Variants in REDIC1 observed in about 807,000 individuals in gnomAD.
REDIC1 encodes HEI10 Interacting Protein 1.
chr12:39,676,961 A>G, the REDIC1 span, among the ~76,000 whole-genome samples: 2 of 152,082 alleles, frequency 1.3e-5, no homozygotes, highest in Admixed American at 6.6e-5. Context: ...CTAAATTTTG[A>G]AATACACCAA....
At chr12:39,852,074 G>T in the REDIC1 span, among the ~76,000 whole-genome samples, 1 of 152,208 alleles carries the variant, frequency 6.6e-6, no homozygotes, top group Non-Finnish European at 1.5e-5. Context: ...ACACAGGTGT[G>T]TGTGAGGCTG....
chr12:39,673,849 T>C, the REDIC1 span, among the ~76,000 whole-genome samples: 5 of 152,212 alleles, frequency 3.3e-5, no homozygotes, highest in African/African-American at 1.2e-4. Flanking sequence ...TCATTGTCTT[T>C]TATTTGTCTA....
At chr12:39,729,126 G>A in the REDIC1 span, among the ~76,000 whole-genome samples, 8 of 151,856 alleles carry the variant, frequency 5.3e-5, no homozygotes, top group African/African-American at 1.9e-4. Context: ...GATTCCTTGA[G>A]TTTTTGAAGG....
chr12:39,741,244 T>A, the REDIC1 span, among the ~76,000 whole-genome samples: 2 of 152,204 alleles, frequency 1.3e-5, no homozygotes, highest in African/African-American at 4.8e-5. Context: ...TTCATTAAAT[T>A]TACATCTGTA....
chr12:39,895,031 G>A, the REDIC1 span, among the ~76,000 whole-genome samples: 12 of 152,082 alleles, frequency 7.9e-5, no homozygotes, highest in East Asian at 1.4e-3. Flanking sequence ...CATAACCAAC[G>A]GCAGTGGAAC....
the REDIC1 span, among the ~76,000 whole-genome samples, chr12:39,788,064 C>A: frequency 1.3e-5 from 2 of 152,100 alleles, no homozygotes; most frequent in African/African-American, 4.8e-5. Flanking sequence ...ATTACTCATA[C>A]TTGTTGTGGG....
the REDIC1 span, chr12:39,830,341 G>A: frequency 6.8e-7 from 1 of 1,472,240 alleles, no homozygotes; most frequent in Admixed American, 2.4e-5. Flanking sequence ...TAAGCTTGGG[G>A]CCTTGGGACT....
the REDIC1 span, among the ~76,000 whole-genome samples, chr12:39,700,635 C>G: frequency 6.6e-6 from 1 of 152,032 alleles, no homozygotes; most frequent in Admixed American, 6.6e-5. Flanking sequence ...ACATAATTGT[C>G]AGATTCACCA....
the REDIC1 span, among the ~76,000 whole-genome samples, chr12:39,775,136 C>T: frequency 1.3e-5 from 2 of 152,062 alleles, no homozygotes; most frequent in African/African-American, 2.4e-5. Context: ...ACAAGATTAA[C>T]ATAGATAGAG....
the REDIC1 span, among the ~76,000 whole-genome samples, chr12:39,631,942 T>C: frequency 8.5e-3 from 1,300 of 152,224 alleles, 15 homozygotes; most frequent in African/African-American, 0.03. Flanking sequence ...ATAGCACATG[T>C]ATACAATAAA....
chr12:39,856,325 C>T, the REDIC1 span, among the ~76,000 whole-genome samples: 1 of 152,146 alleles, frequency 6.6e-6, no homozygotes. Context: ...AAGTTACTTT[C>T]ACTGAAGAGG....
At chr12:39,827,355 TC>T in the REDIC1 span, among the ~76,000 whole-genome samples, 3 of 152,182 alleles carry the variant, frequency 2.0e-5, no homozygotes, top group Non-Finnish European at 2.9e-5. Context: ...TAGGTAGCTT[TC>T]CAAGCCCAGT....
the REDIC1 span, among the ~76,000 whole-genome samples, chr12:39,728,335 G>C: frequency 6.6e-6 from 1 of 152,112 alleles, no homozygotes. Flanking sequence ...CTAGTTTATT[G>C]AGAGTTTTTA....
At chr12:39,883,256 T>C in the REDIC1 span, among the ~76,000 whole-genome samples, 5 of 152,144 alleles carry the variant, frequency 3.3e-5, no homozygotes, top group African/African-American at 4.8e-5. Flanking sequence ...AAAGGAAAGG[T>C]AGAGTGTGTC....
the REDIC1 span, among the ~76,000 whole-genome samples, chr12:39,716,528 C>T: frequency 2.6e-5 from 4 of 151,962 alleles, no homozygotes; most frequent in African/African-American, 9.7e-5. Context: ...GTTATATACC[C>T]TTATTTCATT....
At chr12:39,742,893 G>A in the REDIC1 span, among the ~76,000 whole-genome samples, 1 of 152,152 alleles carries the variant, frequency 6.6e-6, no homozygotes, top group African/African-American at 2.4e-5. Flanking sequence ...AAACCCATAA[G>A]CAGAAACCTC....
the REDIC1 span, among the ~76,000 whole-genome samples, chr12:39,851,124 T>A: frequency 9.2e-5 from 14 of 152,232 alleles, no homozygotes; most frequent in Middle Eastern, 6.8e-3. Context: ...GGTCTCGAAC[T>A]CCCGACCTCA....
chr12:39,858,240 T>C, the REDIC1 span, among the ~76,000 whole-genome samples: 1 of 152,202 alleles, frequency 6.6e-6, no homozygotes, highest in Non-Finnish European at 1.5e-5. Flanking sequence ...CAGGATGAGA[T>C]TTATGTGGAC....
the REDIC1 span, chr12:39,692,061 G>T: frequency 6.3e-7 from 1 of 1,578,122 alleles, no homozygotes; most frequent in Non-Finnish European, 8.6e-7. Context: ...TCTGATGGAA[G>T]AAGGAGGAAT....
Sources: allele counts gnomAD v4.1 joint callset (sites outside exome capture counted in the v4.1 genomes callset), GRCh38; gene constraint gnomAD v4.1.1; transcripts MANE v1.5; gene names NCBI Gene and HGNC (gene_info 2026-07-23, HGNC 2026-07-21).